DGKD: variants seen among roughly 807,000 people sequenced by gnomAD.
DGKD encodes DAG kinase delta.
In DGKD, 68 loss-of-function variants were observed where a neutral mutation model predicts 154.4. That is an observed-to-expected ratio of 0.44 (90% confidence interval 0.36 to 0.54). The LOEUF (loss-of-function observed/expected upper bound fraction) is 0.54, where lower values mean the gene tolerates loss of function less well. Ranked by LOEUF, DGKD falls within the 20% of genes least tolerant of loss-of-function variation. The probability of loss-of-function intolerance (pLI) is 0.00; values close to 1 mark genes in which losing one functional copy is unlikely to be tolerated. For missense variants in DGKD, 1,343 were observed against 1,593.6 expected, an observed-to-expected ratio of 0.84 and a Z score of 2.68; for synonymous variants, 693 against 638.0, an observed-to-expected ratio of 1.09 and a Z score of -1.30.
intron 1 of DGKD, among the ~76,000 whole-genome samples, chr2:233,384,671 C>T (rs1012899589): frequency 6.6e-6 from 1 of 152,136 alleles, no homozygotes; most frequent in African/African-American, 2.4e-5. Flanking sequence ...TGCCTGTGTC[C>T]ATCTCTCCCC....
At position 233,400,856 on chromosome 2, in the gene DGKD, G is replaced by A. The variant is rs2125482235; in HGVS notation, c.348+10373G>A. ...CAGTTGTTGCAGCTGAGTGTGTGTG[G>A]CCTCCTGATGCTACATGTTCAGTTG... On this transcript the variant is annotated intron_variant, in intron 3 of 29. Transcript: ENST00000264057. Among the ~76,000 whole-genome samples the A allele has an allele frequency of 2.0e-5, 3 of 152,242 alleles. No homozygotes were observed. The Middle Eastern group carries it at 0.01, about 518-fold the overall frequency.
intron 3 of DGKD, among the ~76,000 whole-genome samples, chr2:233,394,686 A>T (rs1575033159): frequency 6.9e-5 from 6 of 86,766 alleles, no homozygotes; most frequent in South Asian, 3.8e-4. Context: ...TTTGAATTTA[A>T]TTCCCTTTTT....
chr2:233,458,458 G>T lies in DGKD; in HGVS notation c.2694+61G>T. On this transcript the variant is annotated intron_variant, in intron 22 of 29. Coordinates refer to ENST00000264057, the MANE Select transcript of DGKD (RefSeq NM_152879.3). This position sits in a 1 kb window ranked among gnomAD's most constrained non-coding sequence, Gnocchi z 6.6. The stretch of plus-strand genomic sequence containing the variant: ...CCCAGCCCGGAGTGTGCTAAATTCT[G>T]GGGCAGTGCATGGAGCCTGGGAGGG... 1 of 1,369,100 alleles carries T rather than the reference G, an allele frequency of 7.3e-7. No homozygotes were observed. The highest frequency in any genetic ancestry group is 1.0e-6 in the Non-Finnish European group (1 of 982,636). 84.8% of individuals were successfully genotyped at this position (1,369,100 alleles called of 1,614,324 possible).
At chr2:233,377,749 CG>C (rs1308388127) in intron 1 of DGKD, among the ~76,000 whole-genome samples, 1 of 152,008 alleles carries the variant, frequency 6.6e-6, no homozygotes, top group East Asian at 1.9e-4. Context: ...GTTTTGCAGT[CG>C]TGTTGAGTGC....
intron 1 of DGKD, among the ~76,000 whole-genome samples, chr2:233,355,065 C>A (rs950545492): frequency 1.4e-4 from 22 of 152,128 alleles, no homozygotes; most frequent in Middle Eastern, 3.4e-3. Flanking sequence ...CGCGGGCGTC[C>A]GCGGTCCCCA....
chr2:233,423,810 AC>A (rs1226617873), intron 3 of DGKD, among the ~76,000 whole-genome samples: 3 of 150,714 alleles, frequency 2.0e-5, no homozygotes, highest in South Asian at 2.1e-4. Flanking sequence ...CTTTCCACCC[AC>A]CCCCCCAGTA....
At chr2:233,455,206 T>TAAGTGCCCAGA (rs1460039388) in intron 19 of DGKD, among the ~76,000 whole-genome samples, 1 of 152,178 alleles carries the variant, frequency 6.6e-6, no homozygotes, top group African/African-American at 2.4e-5. Flanking sequence ...ACCTATTGCG[T>TAAGTGCCCAGA]AAGTGCCCAG....
intron 3 of DGKD, among the ~76,000 whole-genome samples, chr2:233,409,256 T>C (rs981948236): frequency 4.6e-5 from 7 of 152,228 alleles, no homozygotes; most frequent in African/African-American, 1.7e-4. Context: ...TATGAACAAG[T>C]GTAGCGTACT....
At chr2:233,416,760 C>T (rs1162939885) in intron 3 of DGKD, among the ~76,000 whole-genome samples, 3 of 152,144 alleles carry the variant, frequency 2.0e-5, no homozygotes, top group Non-Finnish European at 4.4e-5. Context: ...ACCAGGACTC[C>T]GAGGTCTTTC....
At chr2:233,425,287 C>T (rs866077992) in intron 3 of DGKD, among the ~76,000 whole-genome samples, 4 of 152,126 alleles carry the variant, frequency 2.6e-5, no homozygotes, top group South Asian at 2.1e-4. Context: ...GCCGGGTTCA[C>T]GCCATTCTCC....
intron 3 of DGKD, among the ~76,000 whole-genome samples, chr2:233,395,271 A>G (rs998227814): frequency 6.6e-6 from 1 of 152,170 alleles, no homozygotes; most frequent in East Asian, 1.9e-4. Flanking sequence ...CCTAGGCTCA[A>G]GTAATCTTCC....
chr2:233,456,200 A>G (rs2063455580), intron 19 of DGKD, among the ~76,000 whole-genome samples: 1 of 152,170 alleles, frequency 6.6e-6, no homozygotes, highest in Admixed American at 6.5e-5. Context: ...GTAGGTACGA[A>G]GGGACTCCTA....
Position 233,457,535 on chromosome 2 carries a change from C to T in DGKD, c.2580+207C>T, listed in dbSNP as rs767122793. On this transcript the variant is annotated intron_variant, in intron 21 of 29. Transcript: ENST00000264057. This position sits in a 1 kb window ranked among gnomAD's most constrained non-coding sequence, Gnocchi z 5.5. ...GAGCAGTTGTGTCAGTGAAGGTGGT[C>T]AGTGAGGGTCTGTGGTCAGCAGATG... 2 of 668,038 alleles carry T rather than the reference C, an allele frequency of 3.0e-6. No homozygotes were observed. The highest frequency in any genetic ancestry group is 2.9e-5 in the East Asian group (1 of 34,306). The allele number at this position is 668,038 out of a possible 1,614,324, so 41.4% of individuals were successfully genotyped here. A position where few individuals can be genotyped will look rare whatever the true frequency, so the allele number is the denominator to read the frequency against.
chr2:233,442,229 A>G, intron 10 of DGKD: 1 of 644,294 alleles, frequency 1.6e-6, no homozygotes, highest in East Asian at 3.0e-5. Flanking sequence ...GGGGACCTGA[A>G]GGGAGCTACG....
chr2:233,373,946 ATTG>A (rs1177564114), intron 1 of DGKD, among the ~76,000 whole-genome samples: 7 of 152,204 alleles, frequency 4.6e-5, no homozygotes, highest in African/African-American at 1.7e-4. Context: ...GTTGCAGTAT[ATTG>A]TTGTTTGGAA....
At chr2:233,448,021 A>C in intron 12 of DGKD, 66 bp from the exon 13 acceptor site, 2 of 1,604,040 alleles carry the variant, frequency 1.2e-6, no homozygotes, top group Non-Finnish European at 1.7e-6. Flanking sequence ...TGACAGAGTC[A>C]CTGGGACTGT....
chr2:233,450,100 C>T lies in DGKD; in HGVS notation c.2007C>T (p.Phe669=), dbSNP rs754569132. 98 of 1,613,378 alleles carry T rather than the reference C, an allele frequency of 6.1e-5. No homozygotes were observed. Among genetic ancestry groups the T allele is most frequent in the Admixed American group, 4.7e-4 (28 of 59,914 alleles). ...CACCACTGTCCCACAGCGAGAGCTT[C>T]GGGGTCCCCAAGGGGAGGAGCCAGC... ...VCPPLSHSES[F]GVPKGRSQRK... is the part of the protein sequence containing the mutation. The change falls in exon 16 of 30, where the codon TTC becomes TTT. Residue 669 remains phenylalanine, a synonymous_variant. Transcript: ENST00000264057.
At chr2:233,382,355 A>G (rs1702947710) in intron 1 of DGKD, among the ~76,000 whole-genome samples, 1 of 152,094 alleles carries the variant, frequency 6.6e-6, no homozygotes, top group African/African-American at 2.4e-5. Flanking sequence ...GGGCTTTGTG[A>G]ATTTGGGTGA....
In DGKD at chr2:233,440,821, G is replaced by C. The variant is rs1022672962; in HGVS notation, c.1086-1066G>C. On this transcript the variant is annotated intron_variant, in intron 9 of 29. Transcript: ENST00000264057. The surrounding 1 kb of genome is among the most constrained non-coding windows in gnomAD (Gnocchi z 4.9). ...TCCTGGAACTCATGGGGAGCTTTCA[G>C]GAAGGGTGTCAAGGTGACTGAGGCT... Among the ~76,000 whole-genome samples, 1 of 152,216 alleles carries C rather than the reference G, an allele frequency of 6.6e-6. No homozygotes were observed. The highest frequency in any genetic ancestry group is 2.4e-5 in the African/African-American group (1 of 41,452).
Sources: allele counts gnomAD v4.1 joint callset (sites outside exome capture counted in the v4.1 genomes callset), GRCh38; gene constraint gnomAD v4.1.1; non-coding constraint Gnocchi (gnomAD v3.1); transcripts MANE v1.5; gene names NCBI Gene and HGNC (gene_info 2026-07-23, HGNC 2026-07-21).